Variants in BMP2K observed in about 807,000 individuals in gnomAD.
BMP2K encodes BMP2 inducible kinase, also known as BMP-2-inducible protein kinase.
BMP2K carries 74 observed loss-of-function variants against 116.0 expected under a neutral mutation model. That is an observed-to-expected ratio of 0.64 (90% CI 0.53 to 0.77). The LOEUF is 0.77. Among genes scored for constraint, BMP2K ranks in the 30% least tolerant of loss-of-function variants. The probability of loss-of-function intolerance (pLI) is 0.00; values close to 1 mark genes in which losing one functional copy is unlikely to be tolerated. For missense variants in BMP2K, 1,365 were observed against 1,403.6 expected (o/e 0.97, Z 0.44); for synonymous variants, 486 against 502.5 (o/e 0.97, Z 0.44).
At chr4:78,811,771 C>T (rs1035638441) in intron 1 of BMP2K, among the ~76,000 whole-genome samples, 15 of 152,084 alleles carry the variant, frequency 9.9e-5, no homozygotes, top group African/African-American at 2.4e-4. Context: ...ACATTTCTCT[C>T]GGCCAATTTA....
chr4:78,779,658 C>T (rs933103841), intron 1 of BMP2K, among the ~76,000 whole-genome samples: 3 of 152,156 alleles, frequency 2.0e-5, no homozygotes, highest in African/African-American at 7.2e-5. Flanking sequence ...AATATAGTAT[C>T]CTCAACTAAT....
intron 12 of BMP2K, chr4:78,872,406 CA>C (rs1732410897): frequency 2.8e-6 from 1 of 357,670 alleles, no homozygotes; most frequent in African/African-American, 2.2e-5. Flanking sequence ...TGATTCTGGC[CA>C]AGTGAGCCTA....
chr4:78,784,673 A>G (rs1727653826), intron 1 of BMP2K, among the ~76,000 whole-genome samples: 11 of 150,676 alleles, frequency 7.3e-5, no homozygotes, highest in Admixed American at 7.2e-4. Context: ...TTTTGCAGTA[A>G]GTATTATTTT....
chr4:78,874,719 C>A (rs1732550733), intron 13 of BMP2K, among the ~76,000 whole-genome samples: 1 of 152,136 alleles, frequency 6.6e-6, no homozygotes, highest in South Asian at 2.1e-4. Flanking sequence ...TCTGTCTAAA[C>A]TTCTGATTAG....
intron 1 of BMP2K, among the ~76,000 whole-genome samples, chr4:78,782,808 TGC>T (rs1727567574): frequency 6.6e-6 from 1 of 152,246 alleles, no homozygotes; most frequent in Non-Finnish European, 1.5e-5. Context: ...TTTTTTTGGA[TGC>T]TGAGCTTTTT....
rs1267543499 is a variant in BMP2K at position 78,912,774 on chromosome 4, A to C, written c.*741A>C. ...TTTTGTCAGTTAAAACAAATTAAAA[A>C]AATGGACTATCGTCGCACAGAAGCC... is the stretch of plus-strand genomic sequence containing the variant. On this transcript the variant is annotated 3_prime_UTR_variant, in exon 16 of 16. Transcript: ENST00000502613. 1.3e-5 allele frequency: 2 copies of C among 151,058 alleles called. No individual in the cohort carries two copies. The highest frequency in any genetic ancestry group is 2.9e-5 in the Non-Finnish European group (2 of 67,872). The allele number at this position is 151,058 out of a possible 1,614,324, so 9.4% of individuals were successfully genotyped here. A position where few individuals can be genotyped will look rare whatever the true frequency, so the allele number is the denominator to read the frequency against.
intron 14 of BMP2K, among the ~76,000 whole-genome samples, chr4:78,884,371 G>A (rs897792665): frequency 1.3e-5 from 2 of 151,958 alleles, no homozygotes; most frequent in Non-Finnish European, 2.9e-5. Flanking sequence ...ATATAAAATT[G>A]CAGATTCCTA....
At position 78,875,408 on chromosome 4, in the gene BMP2K, A is replaced by G. The variant is rs146614637; in HGVS notation, c.1793+2610A>G. On this transcript the variant is annotated intron_variant, in intron 13 of 15. Coordinates refer to ENST00000502613, the MANE Select transcript of BMP2K (RefSeq NM_198892.2). ...TCTACTATCTTTTGCTAAACTTTCT[A>G]CTCTTCCACCATGTTAATTTATCTT... Among the ~76,000 whole-genome samples, 22 of 152,048 alleles carry G rather than the reference A, an allele frequency of 1.4e-4. No individual in the cohort carries two copies. The East Asian group carries it at 4.3e-3, about 29-fold the overall frequency.
intron 14 of BMP2K, among the ~76,000 whole-genome samples, chr4:78,885,831 A>G (rs1302232462): frequency 6.6e-6 from 1 of 152,166 alleles, no homozygotes; most frequent in East Asian, 1.9e-4. Context: ...GAAGTTCTCA[A>G]CTAGTATGTG....
intron 15 of BMP2K, among the ~76,000 whole-genome samples, chr4:78,889,396 T>G (rs1015450286): frequency 6.6e-6 from 1 of 152,058 alleles, no homozygotes; most frequent in African/African-American, 2.4e-5. Context: ...GAAGAAAAAG[T>G]GATCACTGTG....
In BMP2K at chr4:78,914,027, C is replaced by T. The variant is rs1413392791; in HGVS notation, c.*1994C>T. On this transcript the variant is annotated 3_prime_UTR_variant, in exon 16 of 16. Coordinates refer to ENST00000502613, the MANE Select transcript of BMP2K (RefSeq NM_198892.2). Reference sequence around the variant, plus strand: ...TTTAAAAGTGAAGAGTTGATGATTACACATAGTAAATTCATGAACTACAGT... The same window carrying T: ...TTTAAAAGTGAAGAGTTGATGATTATACATAGTAAATTCATGAACTACAGT... 1 of 151,706 alleles carries T rather than the reference C, an allele frequency of 6.6e-6. No individual in the cohort carries two copies. The highest frequency in any genetic ancestry group is 1.5e-5 in the Non-Finnish European group (1 of 67,908). The allele number at this position is 151,706 out of a possible 1,614,324, so 9.4% of individuals were successfully genotyped here. A position where few individuals can be genotyped will look rare whatever the true frequency, so the allele number is the denominator to read the frequency against.
intron 9 of BMP2K, among the ~76,000 whole-genome samples, chr4:78,863,033 C>T (rs867664465): frequency 6.6e-5 from 10 of 151,798 alleles, no homozygotes; most frequent in African/African-American, 2.2e-4. Context: ...TTAAAAAAAG[C>T]GTAAGTCAGC....
At chr4:78,813,824 T>C (rs1316121236) in intron 1 of BMP2K, among the ~76,000 whole-genome samples, 1 of 152,234 alleles carries the variant, frequency 6.6e-6, no homozygotes, top group Admixed American at 6.5e-5. Context: ...CTTACCGTTG[T>C]CTTCTATGTA....
In BMP2K at chr4:78,790,889, T is replaced by A. The variant is rs549611372; in HGVS notation, c.178+14168T>A. Among the ~76,000 whole-genome samples the A allele has an allele frequency of 2.6e-5, 4 of 152,210 alleles. 1 individual carries two copies. In the South Asian group the frequency reaches 8.3e-4, roughly 32 times the overall value. ...ATAATAATAATAATCATAAAAATAATAAATTTTTAAAAATGTAACCCATTC... is the reference window on the plus strand; with the variant it reads ...ATAATAATAATAATCATAAAAATAAAAAATTTTTAAAAATGTAACCCATTC... On this transcript the variant is annotated intron_variant, in intron 1 of 15. Coordinates refer to ENST00000502613, the MANE Select transcript of BMP2K (RefSeq NM_198892.2).
intron 3 of BMP2K, among the ~76,000 whole-genome samples, chr4:78,835,104 TTTAA>T (rs1401367844): frequency 6.6e-6 from 1 of 152,222 alleles, no homozygotes; most frequent in Non-Finnish European, 1.5e-5. Context: ...CTTGGATTAA[TTTAA>T]TTGTCACTTA....
chr4:78,798,338 G>T (rs2109949518), intron 1 of BMP2K, among the ~76,000 whole-genome samples: 1 of 152,258 alleles, frequency 6.6e-6, no homozygotes, highest in Middle Eastern at 3.4e-3. Flanking sequence ...ATACCTGCTG[G>T]ATGCCTGTGA....
intron 3 of BMP2K, among the ~76,000 whole-genome samples, chr4:78,838,880 A>AT (rs1255515709): frequency 1.3e-5 from 2 of 152,208 alleles, no homozygotes; most frequent in Non-Finnish European, 2.9e-5. Flanking sequence ...ATTTTGATAC[A>AT]TAGATTTAAA....
intron 14 of BMP2K, among the ~76,000 whole-genome samples, chr4:78,884,347 CAAAA>C (rs1209705520): frequency 5.3e-5 from 8 of 151,228 alleles, no homozygotes; most frequent in Admixed American, 1.3e-4. Context: ...ATAAAACAAA[CAAAA>C]AAAACCAGTA....
intron 3 of BMP2K, among the ~76,000 whole-genome samples, chr4:78,833,918 T>G (rs1396918803): frequency 1.3e-5 from 2 of 152,170 alleles, no homozygotes; most frequent in African/African-American, 4.8e-5. Context: ...GATATTGAGT[T>G]TAAAATAGGA....
Sources: gnomAD v4.1 joint callset for allele counts (sites outside exome capture counted in the v4.1 genomes callset) on GRCh38, gnomAD v4.1.1 for gene constraint, MANE v1.5 for transcripts, NCBI Gene and HGNC (gene_info 2026-07-23, HGNC 2026-07-21) for gene names.